The following NDUFC1 variants were observed in gnomAD, a reference collection of about 807,000 sequenced individuals.
The protein encoded by NDUFC1 is NADH:ubiquinone oxidoreductase subunit C1, also known as NADH dehydrogenase [ubiquinone] 1 subunit C1, mitochondrial.
Under a neutral mutation model 11.6 loss-of-function variants are expected in NDUFC1, and 11 were observed. The ratio of observed to expected loss-of-function variants is 0.95; its 90% CI spans 0.60 to 1.58. The LOEUF (loss-of-function observed/expected upper bound fraction) is 1.58, where lower values mean the gene tolerates loss of function less well. Among genes scored for constraint, NDUFC1 ranks in the 40% most tolerant of loss-of-function variants. The pLI, the probability that NDUFC1 is intolerant of heterozygous loss-of-function variation, is 0.00. For synonymous variants in NDUFC1, 52 were observed against 42.2 expected (o/e 1.23, Z -0.90); for missense variants, 112 against 93.0 (o/e 1.20, Z -0.84).
chr4:139,295,784 G>A lies in NDUFC1; in HGVS notation c.15C>T (p.Ala5=). 1 of 1,547,988 alleles carries A rather than the reference G, an allele frequency of 6.5e-7. No individual in the cohort carries two copies. Among genetic ancestry groups the A allele is most frequent in the Non-Finnish European group, 8.7e-7 (1 of 1,147,488 alleles). The change falls in exon 3 of 6, where the codon GCC becomes GCT. Residue 5 remains alanine (A), a synonymous_variant. Coordinates refer to ENST00000394223, the MANE Select transcript of NDUFC1 (RefSeq NM_001184989.2). The part of the protein sequence containing the change: MAPS[A]LLRPLSRLLA... ...GCAGCCGGGAAAGGGGACGCAGCAAGGCGGACGGCGCCATCTTGCGTGGCC... is the reference window on the plus strand; with the variant it reads ...GCAGCCGGGAAAGGGGACGCAGCAAAGCGGACGGCGCCATCTTGCGTGGCC...
intron 1 of NDUFC1, among the ~76,000 whole-genome samples, chr4:139,298,479 C>A (rs1579067042): frequency 6.8e-6 from 1 of 147,562 alleles, no homozygotes; most frequent in Non-Finnish European, 1.5e-5. Context: ...GCAGGCCGGG[C>A]GTTGGGGCTC....
intron 4 of NDUFC1, 24 bp from the exon 5 acceptor site, chr4:139,292,633 A>T (rs1745278657): frequency 7.1e-7 from 1 of 1,406,392 alleles, no homozygotes; most frequent in South Asian, 1.3e-5. Context: ...AACAGTTAAA[A>T]TTAGAAATGT....
At chr4:139,290,394 C>A (rs1431747300) in intron 5 of NDUFC1, among the ~76,000 whole-genome samples, 1 of 149,464 alleles carries the variant, frequency 6.7e-6, no homozygotes, top group Non-Finnish European at 1.5e-5. Flanking sequence ...ATCCCGCTGC[C>A]TAGGCCTCCC....
At chr4:139,293,761 G>A (rs1380807328) in intron 4 of NDUFC1, among the ~76,000 whole-genome samples, 2 of 152,092 alleles carry the variant, frequency 1.3e-5, no homozygotes, top group East Asian at 1.9e-4. Context: ...CAGAGGCAGT[G>A]TTTCACAGTC....
intron 2 of NDUFC1, among the ~76,000 whole-genome samples, chr4:139,296,924 T>A (rs919823064): frequency 1.3e-4 from 20 of 152,378 alleles, no homozygotes; most frequent in Middle Eastern, 3.4e-3. Context: ...AGATCTTTTT[T>A]AACCAAAAAT....
intron 1 of NDUFC1, among the ~76,000 whole-genome samples, chr4:139,299,162 G>T (rs1005708583): frequency 6.6e-6 from 1 of 151,500 alleles, no homozygotes; most frequent in Non-Finnish European, 1.5e-5. Context: ...TAGAGACGGG[G>T]TTTCACCATG....
intron 4 of NDUFC1, among the ~76,000 whole-genome samples, chr4:139,293,663 A>G (rs894234368): frequency 6.6e-6 from 1 of 152,214 alleles, no homozygotes; most frequent in Non-Finnish European, 1.5e-5. Flanking sequence ...GGGACAGTGG[A>G]GGAAGTCCCA....
intron 5 of NDUFC1, among the ~76,000 whole-genome samples, chr4:139,291,529 T>A (rs758001740): frequency 5.9e-5 from 9 of 151,862 alleles, no homozygotes; most frequent in Non-Finnish European, 1.2e-4. Context: ...GAGCCAAGAT[T>A]GTGCCACTGC....
chr4:139,295,594 T>C, intron 3 of NDUFC1, 138 bp downstream of exon 3: 1 of 880,678 alleles, frequency 1.1e-6, no homozygotes, highest in Non-Finnish European at 1.7e-6. Context: ...AGGCGTGGGC[T>C]GGGCCTTGGG....
intron 1 of NDUFC1, chr4:139,301,615 A>T: frequency 1.4e-6 from 1 of 693,818 alleles, no homozygotes; most frequent in South Asian, 1.9e-5. Context: ...ACGAGGAAAA[A>T]GGAGGTGTCC....
rs1401707366 is a variant in NDUFC1, at chr4:139,295,867, G to A, written c.-69C>T. 1.3e-6 allele frequency: 2 copies of A among 1,483,622 alleles called. No homozygotes were observed. Among genetic ancestry groups the A allele is most frequent in the Admixed American group, 2.2e-5 (1 of 46,322 alleles). The allele number at this position is 1,483,622 out of a possible 1,614,324, so 91.9% of individuals were successfully genotyped here. On this transcript the variant is annotated 5_prime_UTR_variant, in exon 3 of 6. Transcript: ENST00000394223. ...AGCGCCACCTGGCGGCCGGAAGTGC[G>A]GGACTCGAGGGCTCTGCAGCAGAGC...
In NDUFC1 at chr4:139,298,438, C is replaced by CA. The variant is rs147060181; in HGVS notation, c.-221-996dup. Among the ~76,000 whole-genome samples, 308 of 84,072 alleles carry CA rather than the reference C, an allele frequency of 3.7e-3. 1 individual carries two copies. Among genetic ancestry groups the CA allele is most frequent in the East Asian group, 0.01 (26 of 2,494 alleles). 55.2% of individuals were successfully genotyped at this position (84,072 alleles called of 152,430 possible). Reference sequence around the variant, plus strand: ...GGGCGACAAGAGCGAAACTCTGTCTCAAAAAAAAAAAAAAAAAAAAAGATT... The same window carrying CA: ...GGGCGACAAGAGCGAAACTCTGTCTCAAAAAAAAAAAAAAAAAAAAAAGATT... On this transcript the variant is annotated intron_variant, in intron 1 of 5. Transcript: ENST00000394223.
At chr4:139,295,680 T>C in intron 3 of NDUFC1, 52 bp downstream of exon 3, 1 of 1,523,174 alleles carries the variant, frequency 6.6e-7, no homozygotes, top group Non-Finnish European at 8.8e-7. Context: ...TGGGTCCGCC[T>C]TAGGAGGGGT....
chr4:139,294,468 G>T (rs932366184), intron 4 of NDUFC1, among the ~76,000 whole-genome samples: 4 of 151,798 alleles, frequency 2.6e-5, no homozygotes, highest in African/African-American at 9.7e-5. Context: ...CGGGCGTGGT[G>T]GCTCACGCCT....
chr4:139,301,752 C>G, intron 1 of NDUFC1: 1 of 1,554,378 alleles, frequency 6.4e-7, no homozygotes, highest in Non-Finnish European at 8.7e-7. Context: ...CGGGTGGTGG[C>G]GGGAGCAGCG....
chr4:139,297,177 C>CA (rs1172284736), intron 2 of NDUFC1, among the ~76,000 whole-genome samples: 1 of 152,232 alleles, frequency 6.6e-6, no homozygotes, highest in African/African-American at 2.4e-5. Flanking sequence ...CCGTTGGAAG[C>CA]TTGTCCTGAT....
intron 1 of NDUFC1, chr4:139,301,275 G>C (rs1745713353): frequency 2.8e-6 from 1 of 361,948 alleles, no homozygotes; most frequent in South Asian, 1.2e-4. Flanking sequence ...TGAGGAGGCG[G>C]TCTGAACCGT....
intron 2 of NDUFC1, among the ~76,000 whole-genome samples, chr4:139,297,113 C>T (rs1179781833): frequency 1.3e-5 from 2 of 152,170 alleles, no homozygotes; most frequent in Non-Finnish European, 1.5e-5. Flanking sequence ...GTTGTTGGTT[C>T]GCCACTTATT....
Position 139,295,713 on chromosome 4 carries a change from G to A in NDUFC1, c.67+19C>T. 1 of 1,538,744 alleles carries A rather than the reference G, an allele frequency of 6.5e-7. No homozygotes were observed. Among genetic ancestry groups the A allele is most frequent in the Non-Finnish European group, 8.8e-7 (1 of 1,142,048 alleles). The stretch of plus-strand genomic sequence containing the variant: ...GGTAATCTGAGGGTCGAGTCGGCCT[G>A]CACGAGGAGGATACTCACGGCCGCT... On this transcript the variant is annotated intron_variant, in intron 3 of 5. Transcript: ENST00000394223.
Sources: gnomAD v4.1 joint callset for allele counts (sites outside exome capture counted in the v4.1 genomes callset) on GRCh38, gnomAD v4.1.1 for gene constraint, MANE v1.5 for transcripts, NCBI Gene and HGNC (gene_info 2026-07-23, HGNC 2026-07-21) for gene names.